UBR4: variants seen among roughly 807,000 people sequenced by gnomAD.
UBR4 encodes ubiquitin protein ligase E3 component n-recognin 4.
UBR4 carries 124 observed loss-of-function variants against 575.6 expected under a neutral mutation model. The observed-to-expected ratio is 0.22, with a 90% confidence interval of 0.19 to 0.25. The LOEUF (loss-of-function observed/expected upper bound fraction) is 0.25. UBR4 is among the 10% of genes least tolerant of loss of function. The pLI is 1.00. For synonymous variants in UBR4, 2,455 were observed against 2,473.7 expected, an observed-to-expected ratio of 0.99 and a Z score of 0.22; for missense variants, 4,818 against 6,478.8, an observed-to-expected ratio of 0.74 and a Z score of 8.80.
In UBR4 at chr1:19,167,110, C is replaced by T. The variant is rs766450201; in HGVS notation, c.4021G>A (p.Ala1341Thr). ...CGAGCCAAGAACTCATCAGACTCAG[C>T]AGGGCCCAAGATGCGTTCCAGGGAG... ...SNSLERILGP[A>T]ESDEFLARVY... is the part of the protein sequence containing the mutation. The change falls in exon 29 of 106, where the codon GCT (alanine) becomes ACT (threonine). Residue 1341 changes from alanine (A) to threonine (T), a missense_variant. Physicochemically the swap from Ala to Thr is moderately conservative, Grantham distance 58. Transcript: ENST00000375254. 6.2e-7 allele frequency: 1 copy of T among 1,614,114 alleles called. No individual in the cohort carries two copies. Among genetic ancestry groups the T allele is most frequent in the East Asian group, 2.2e-5 (1 of 44,902 alleles).
chr1:19,145,508 G>GAC (rs555050832), intron 53 of UBR4, among the ~76,000 whole-genome samples: 12,277 of 144,902 alleles, frequency 0.085, 555 homozygotes, highest in Middle Eastern at 0.15. Context: ...AAACCACTGA[G>GAC]ACACACACAC....
intron 81 of UBR4, among the ~76,000 whole-genome samples, chr1:19,109,135 C>A (rs1196294538): frequency 1.3e-5 from 2 of 152,332 alleles, no homozygotes; most frequent in East Asian, 3.9e-4. Context: ...AATCTTCCTG[C>A]CATGAGGACT....
At position 19,084,779 on chromosome 1, in the gene UBR4, G is replaced by A; in HGVS notation, c.14814-81C>T. On this transcript the variant is annotated intron_variant, in intron 101 of 105. Transcript: ENST00000375254. ...GTTTGGGAGACAGAGCCTCCTTCCA[G>A]TACTCCCAGGCCTGATGGCTGCAAA... 4 of 1,362,738 alleles carry A rather than the reference G, an allele frequency of 2.9e-6. No homozygotes were observed. The South Asian group carries it at 4.2e-5, about 14-fold the overall frequency. The allele number at this position is 1,362,738 out of a possible 1,614,324, so 84.4% of individuals were successfully genotyped here.
chr1:19,092,908 C>G lies in UBR4; in HGVS notation c.14122G>C (p.Asp4708His), dbSNP rs374138211. 7 of 1,613,044 alleles carry G rather than the reference C, an allele frequency of 4.3e-6. No individual in the cohort carries two copies. Among genetic ancestry groups the G allele is most frequent in the Non-Finnish European group, 5.9e-6 (7 of 1,179,724 alleles). Reference protein sequence around the residue: ...HIPSAKNLDADIWKKFLSRPA... With the variant: ...HIPSAKNLDAHIWKKFLSRPA... ...CGAGACAAAAACTTTTTCCAGATGT[C>G]GGCATCCAAACTGCAAAGCAAAGGA... Residue 4708 changes from aspartate (D) to histidine (H), a missense_variant, in exon 97 of 106, where the codon GAC becomes CAC. Asp to His is a moderately conservative substitution (Grantham distance 81). Transcript: ENST00000375254.
chr1:19,146,135 G>C, intron 52 of UBR4: 1 of 1,521,592 alleles, frequency 6.6e-7, no homozygotes, highest in Non-Finnish European at 8.9e-7. Flanking sequence ...AGAAAACATT[G>C]TATGTTAGAA....
intron 17 of UBR4, among the ~76,000 whole-genome samples, chr1:19,182,498 C>T (rs569246341): frequency 3.9e-5 from 6 of 152,190 alleles, no homozygotes; most frequent in Non-Finnish European, 7.4e-5. Flanking sequence ...ACTACAGGCA[C>T]GTGCCACCAT....
chr1:19,187,057 T>A (rs2091598161), intron 13 of UBR4, 107 bp downstream of exon 13: 1 of 861,240 alleles, frequency 1.2e-6, no homozygotes, highest in Non-Finnish European at 1.5e-6. Context: ...TAGTCAGTCT[T>A]ATTCATTTCA....
chr1:19,114,988 G>A, intron 74 of UBR4, 39 bp from the exon 75 acceptor site: 2 of 1,613,252 alleles, frequency 1.2e-6, no homozygotes, highest in Non-Finnish European at 1.7e-6. Context: ...AGGTGACAAG[G>A]CTGGGTGGGG....
chr1:19,207,512 C>T (rs954756105), intron 1 of UBR4, among the ~76,000 whole-genome samples: 3 of 152,092 alleles, frequency 2.0e-5, no homozygotes, highest in Non-Finnish European at 4.4e-5. Flanking sequence ...ATCTATAATC[C>T]CAGCTACTTG....
intron 103 of UBR4, chr1:19,080,299 T>C (rs1339327462): frequency 6.6e-6 from 1 of 152,194 alleles, no homozygotes; most frequent in East Asian, 1.9e-4. Flanking sequence ...CCAGTGATGA[T>C]CTGGTACAGG....
chr1:19,081,143 C>T (rs974144139), intron 103 of UBR4: 1 of 532,852 alleles, frequency 1.9e-6, no homozygotes. Context: ...TTTCTAGTAG[C>T]GGAACAGAAA....
chr1:19,203,360 G>T (rs1451532052), intron 1 of UBR4, among the ~76,000 whole-genome samples: 1 of 151,968 alleles, frequency 6.6e-6, no homozygotes, highest in South Asian at 2.1e-4. Flanking sequence ...AATTAGCCAG[G>T]TGTGGTGGCA....
At position 19,205,918 on chromosome 1, in the gene UBR4, T is replaced by C. The variant is rs547460182; in HGVS notation, c.177-4103A>G. Reference sequence around the variant, plus strand: ...AATTGGCTCAGAGAGAAGGAGCATATTTCTTTTTATCTACAAAGAGTCAAT... The same window carrying C: ...AATTGGCTCAGAGAGAAGGAGCATACTTCTTTTTATCTACAAAGAGTCAAT... On this transcript the variant is annotated intron_variant, in intron 1 of 105. Transcript: ENST00000375254. 1.3e-4 allele frequency among the ~76,000 whole-genome samples: 20 copies of C among 152,312 alleles called. No homozygotes were observed. In the South Asian group the frequency reaches 1.7e-3, roughly 13 times the overall value.
At position 19,145,926 on chromosome 1, in the gene UBR4, C is replaced by T. The variant is rs767660583; in HGVS notation, c.7812G>A (p.Met2604Ile). Residue 2604 changes from methionine (M) to isoleucine (I), a missense_variant, in exon 53 of 106, where the codon ATG becomes ATA. By Grantham distance (10) the Met-to-Ile change is conservative. Transcript: ENST00000375254. ...GCTTCTGCGGTTCCTTCCCTTCATC[C>T]ATTCCTTCTAAGCAGGAGAAAGAAA... ...SKLPQMETEG[M>I]DEGKEPQKQL... 1.9e-6 allele frequency: 3 copies of T among 1,614,036 alleles called. No homozygotes were observed. Among genetic ancestry groups the T allele is most frequent in the Non-Finnish European group, 2.5e-6 (3 of 1,179,918 alleles).
chr1:19,124,841 C>T, intron 64 of UBR4, 151 bp from the exon 65 acceptor site: 2 of 1,050,866 alleles, frequency 1.9e-6, no homozygotes, highest in Non-Finnish European at 2.7e-6. Context: ...ACAGTTTATT[C>T]TATAAACCCA....
chr1:19,193,134 T>C (rs996881779), intron 9 of UBR4, among the ~76,000 whole-genome samples: 3 of 152,164 alleles, frequency 2.0e-5, no homozygotes, highest in African/African-American at 7.2e-5. Flanking sequence ...ATCGGAAATT[T>C]TCCTGTTTAC....
intron 87 of UBR4, among the ~76,000 whole-genome samples, chr1:19,103,627 T>G (rs2078884022): frequency 6.6e-6 from 1 of 152,188 alleles, no homozygotes; most frequent in African/African-American, 2.4e-5. Context: ...AACAGGTAGA[T>G]TAAACATTTG....
At chr1:19,114,585 T>C (rs1306173351) in intron 75 of UBR4, among the ~76,000 whole-genome samples, 3 of 152,266 alleles carry the variant, frequency 2.0e-5, no homozygotes, top group African/African-American at 7.2e-5. Flanking sequence ...GGAGATACTC[T>C]AGTTTCATTA....
chr1:19,107,248 A>C (rs1446033631), intron 81 of UBR4, among the ~76,000 whole-genome samples: 2 of 152,116 alleles, frequency 1.3e-5, no homozygotes, highest in Non-Finnish European at 2.9e-5. Flanking sequence ...ACTAATTCCT[A>C]TCCCACGGCT....
Sources: gnomAD v4.1 joint callset for allele counts (sites outside exome capture counted in the v4.1 genomes callset) on GRCh38, gnomAD v4.1.1 for gene constraint, MANE v1.5 for transcripts, NCBI Gene and HGNC (gene_info 2026-07-23, HGNC 2026-07-21) for gene names.